NRCAM: variants seen among roughly 807,000 people sequenced by gnomAD.
NRCAM encodes NgCAM-related cell adhesion molecule.
A neutral mutation model predicts 156.5 loss-of-function variants in NRCAM; 83 were observed. That is an observed-to-expected ratio of 0.53 (90% CI 0.44 to 0.64). The LOEUF is 0.64. Among genes scored for constraint, NRCAM ranks in the 30% least tolerant of loss-of-function variants. NRCAM has a pLI of 0.00. For synonymous variants in NRCAM, 538 were observed against 563.9 expected (o/e 0.95, Z 0.65); for missense variants, 1,417 against 1,597.3 (o/e 0.89, Z 1.92).
chr7:108,170,954 T>G (rs1327222256), intron 28 of NRCAM, among the ~76,000 whole-genome samples: 2 of 152,198 alleles, frequency 1.3e-5, no homozygotes, highest in Non-Finnish European at 2.9e-5. Flanking sequence ...ATATTACTAA[T>G]TATAGTTAAT....
intron 3 of NRCAM, among the ~76,000 whole-genome samples, chr7:108,303,684 C>T (rs1196998352): frequency 6.6e-6 from 1 of 152,102 alleles, no homozygotes; most frequent in East Asian, 1.9e-4. Flanking sequence ...AGTGTATCTA[C>T]TACATGGCTT....
intron 3 of NRCAM, among the ~76,000 whole-genome samples, chr7:108,305,857 C>T (rs74868717): frequency 6.6e-6 from 1 of 152,282 alleles, no homozygotes; most frequent in East Asian, 1.9e-4. Flanking sequence ...AAAACTAATA[C>T]ATTTCAAATA....
At chr7:108,385,960 T>C (rs191608961) in intron 2 of NRCAM, among the ~76,000 whole-genome samples, 1 of 151,888 alleles carries the variant, frequency 6.6e-6, no homozygotes, top group East Asian at 1.9e-4. Context: ...TGAATATCAA[T>C]GCGAGTATGT....
chr7:108,199,488 G>A lies in NRCAM; in HGVS notation c.1208-1389C>T, dbSNP rs1055988763. On this transcript the variant is annotated intron_variant, in intron 13 of 32. Coordinates refer to ENST00000379028, the MANE Select transcript of NRCAM (RefSeq NM_001037132.4). ...GGTCACACTGCTCTAAAACCAATGC[G>A]TGAGCAGAGCTGCGTCGCTTTCTGA... Among the ~76,000 whole-genome samples, 5 of 152,200 alleles carry A rather than the reference G, an allele frequency of 3.3e-5. No homozygotes were observed. The South Asian group carries it at 1.0e-3, about 31-fold the overall frequency.
At chr7:108,436,058 C>A (rs1831750203) in intron 1 of NRCAM, among the ~76,000 whole-genome samples, 1 of 152,168 alleles carries the variant, frequency 6.6e-6, no homozygotes, top group Non-Finnish European at 1.5e-5. Flanking sequence ...GGCGTGAGCC[C>A]GGGAGGCGGA....
intron 2 of NRCAM, among the ~76,000 whole-genome samples, chr7:108,383,488 A>G (rs10487853): frequency 0.041 from 6,197 of 152,228 alleles, 182 homozygotes; most frequent in East Asian, 0.12. Context: ...AACTTATGAC[A>G]AGGGCTTGGT....
intron 3 of NRCAM, among the ~76,000 whole-genome samples, chr7:108,274,606 C>T (rs150845502): frequency 3.9e-5 from 6 of 152,278 alleles, no homozygotes; most frequent in African/African-American, 1.2e-4. Flanking sequence ...TGAGACTTTG[C>T]GGAAGTTGCT....
chr7:108,428,941 TC>T lies in NRCAM; in HGVS notation c.-332+27301del, dbSNP rs1368292046. On this transcript the variant is annotated intron_variant, in intron 1 of 32. Coordinates refer to ENST00000379028, the MANE Select transcript of NRCAM (RefSeq NM_001037132.4). The stretch of plus-strand genomic sequence containing the variant: ...GCCATTGTGACCTAAAATTTTCTTT[TC>T]TTTTCTTCTTTTTTTTTTTAAAGGC... Among the ~76,000 whole-genome samples the T allele has an allele frequency of 6.2e-3, 935 of 151,728 alleles. 8 individuals carry two copies. Among genetic ancestry groups the T allele is most frequent in the Non-Finnish European group, 9.4e-3 (638 of 67,876 alleles).
intron 3 of NRCAM, among the ~76,000 whole-genome samples, chr7:108,241,127 A>G (rs189636545): frequency 1.2e-4 from 19 of 152,314 alleles, no homozygotes; most frequent in African/African-American, 4.1e-4. Context: ...CCACCCCTGA[A>G]TTCCTGAAAT....
At chr7:108,275,577 G>A (rs1031828291) in intron 3 of NRCAM, among the ~76,000 whole-genome samples, 8 of 152,116 alleles carry the variant, frequency 5.3e-5, no homozygotes, top group Non-Finnish European at 1.0e-4. Flanking sequence ...GGGATCGATG[G>A]TGATATCCCC....
At chr7:108,235,652 C>G (rs1306706539) in intron 5 of NRCAM, among the ~76,000 whole-genome samples, 2 of 152,142 alleles carry the variant, frequency 1.3e-5, no homozygotes, top group Non-Finnish European at 1.5e-5. Context: ...TGGTTCTCTA[C>G]CAGAGGCAAT....
chr7:108,291,161 C>A (rs1216999597), intron 3 of NRCAM, among the ~76,000 whole-genome samples: 3 of 152,118 alleles, frequency 2.0e-5, no homozygotes, highest in African/African-American at 7.2e-5. Flanking sequence ...CTCCATATAA[C>A]CTCAATCCAA....
intron 1 of NRCAM, among the ~76,000 whole-genome samples, chr7:108,426,557 C>T (rs1223002415): frequency 6.6e-6 from 1 of 152,162 alleles, no homozygotes; most frequent in Admixed American, 6.5e-5. Context: ...CCTTATAAAA[C>T]AAGAAGGTCT....
At chr7:108,327,342 C>T (rs2099080174) in intron 2 of NRCAM, among the ~76,000 whole-genome samples, 1 of 152,160 alleles carries the variant, frequency 6.6e-6, no homozygotes, top group Admixed American at 6.5e-5. Context: ...AACTATAAAG[C>T]ACTATATACA....
At chr7:108,271,962 TG>T in intron 3 of NRCAM, among the ~76,000 whole-genome samples, 1 of 152,226 alleles carries the variant, frequency 6.6e-6, no homozygotes, top group Admixed American at 6.5e-5. Flanking sequence ...GCTGAACAAA[TG>T]AAGTGATTGA....
intron 2 of NRCAM, among the ~76,000 whole-genome samples, chr7:108,372,983 CAT>C (rs1402923522): frequency 6.6e-6 from 1 of 151,884 alleles, no homozygotes; most frequent in East Asian, 1.9e-4. Context: ...GTAAAGAAAA[CAT>C]ATATACATAC....
intron 11 of NRCAM, among the ~76,000 whole-genome samples, chr7:108,218,298 T>C (rs1318692332): frequency 1.3e-5 from 2 of 151,820 alleles, no homozygotes; most frequent in Non-Finnish European, 2.9e-5. Context: ...ATGAACCAGG[T>C]ACCTCAGCTG....
At chr7:108,391,381 G>C (rs558126461) in intron 2 of NRCAM, among the ~76,000 whole-genome samples, 2 of 152,154 alleles carry the variant, frequency 1.3e-5, no homozygotes, top group Non-Finnish European at 2.9e-5. Flanking sequence ...TTTTATCAGA[G>C]ACCAGGATTG....
rs184456018 is a variant in NRCAM at position 108,308,509 on chromosome 7, C to A, written c.-107+4156G>T. ...CAGTTTTTTATTTCCAGTTTCAAAC[C>A]AGATATTTCTCCCCACTAGGCTACA... On this transcript the variant is annotated intron_variant, in intron 3 of 32. Coordinates refer to ENST00000379028, the MANE Select transcript of NRCAM (RefSeq NM_001037132.4). Among the ~76,000 whole-genome samples, 176 of 152,182 alleles carry A rather than the reference C, an allele frequency of 1.2e-3. 1 individual carries two copies. Among genetic ancestry groups the A allele is most frequent in the Non-Finnish European group, 1.3e-4 (9 of 68,000 alleles).
Sources: allele counts gnomAD v4.1 joint callset (sites outside exome capture counted in the v4.1 genomes callset), GRCh38; gene constraint gnomAD v4.1.1; transcripts MANE v1.5; gene names NCBI Gene and HGNC (gene_info 2026-07-23, HGNC 2026-07-21).